LRRC4C: variants seen among roughly 807,000 people sequenced by gnomAD.
LRRC4C encodes leucine-rich repeat-containing protein 4C.
In LRRC4C, 5 loss-of-function variants were observed where a neutral mutation model predicts 33.6. The ratio of observed to expected loss-of-function variants is 0.15; its 90% CI spans 0.08 to 0.31. The LOEUF is 0.31. Ranked by LOEUF, LRRC4C falls within the 10% of genes least tolerant of loss-of-function variation. The probability of loss-of-function intolerance (pLI) is 1.00; values close to 1 mark genes in which losing one functional copy is unlikely to be tolerated. For synonymous variants in LRRC4C, 329 were observed against 302.0 expected (o/e 1.09, Z -0.93); for missense variants, 560 against 796.7 (o/e 0.70, Z 3.58).
At chr11:40,367,454 G>A (rs957546526) in intron 3 of LRRC4C, among the ~76,000 whole-genome samples, 10 of 152,042 alleles carry the variant, frequency 6.6e-5, no homozygotes, top group African/African-American at 1.9e-4. Context: ...TGCTGCACTA[G>A]TATTTCTTGA....
chr11:40,231,986 G>A (rs1336307978), intron 5 of LRRC4C, among the ~76,000 whole-genome samples: 1 of 152,108 alleles, frequency 6.6e-6, no homozygotes, highest in Non-Finnish European at 1.5e-5. Context: ...GGAAACAGAA[G>A]AGTCAACTTT....
chr11:40,696,402 C>A (rs555883848), intron 2 of LRRC4C, among the ~76,000 whole-genome samples: 22 of 112,392 alleles, frequency 2.0e-4, no homozygotes, highest in African/African-American at 5.9e-4. Context: ...TGAGTATACA[C>A]ACCATATATA....
At chr11:40,498,870 C>A (rs1042284274) in intron 3 of LRRC4C, among the ~76,000 whole-genome samples, 1 of 152,102 alleles carries the variant, frequency 6.6e-6, no homozygotes, top group Non-Finnish European at 1.5e-5. Flanking sequence ...GAAAAATAGG[C>A]TTTAAATGAT....
Position 40,918,199 on chromosome 11 carries a change from CA to C in LRRC4C, c.-407+15435del, listed in dbSNP as rs1473161248. Among the ~76,000 whole-genome samples the C allele has an allele frequency of 5.3e-5, 8 of 152,026 alleles. No homozygotes were observed. The South Asian group carries it at 1.7e-3, about 32-fold the overall frequency. On this transcript the variant is annotated intron_variant, in intron 2 of 6. Transcript: ENST00000528697. ...GACACAGCCTTTTAGTTATCTAAAGCAAAATAAGCTTCTGTGCATTTTTATT... is the reference window on the plus strand; with the variant it reads ...GACACAGCCTTTTAGTTATCTAAAGCAAATAAGCTTCTGTGCATTTTTATT...
intron 2 of LRRC4C, among the ~76,000 whole-genome samples, chr11:40,791,266 A>G (rs1282762353): frequency 1.3e-5 from 2 of 152,172 alleles, no homozygotes; most frequent in East Asian, 3.9e-4. Context: ...AATAAACTCT[A>G]TTGATTTTAC....
At chr11:41,355,480 A>G (rs1218359418) in intron 1 of LRRC4C, among the ~76,000 whole-genome samples, 2 of 152,150 alleles carry the variant, frequency 1.3e-5, no homozygotes, top group African/African-American at 4.8e-5. Flanking sequence ...TGATTATAAT[A>G]TATGTTAAAA....
At chr11:40,958,304 A>G (rs1022287729) in intron 1 of LRRC4C, among the ~76,000 whole-genome samples, 2 of 151,804 alleles carry the variant, frequency 1.3e-5, no homozygotes, top group South Asian at 2.1e-4. Flanking sequence ...ACTGTAAAAT[A>G]GGGATGATGA....
intron 2 of LRRC4C, among the ~76,000 whole-genome samples, chr11:40,740,463 A>G (rs566935906): frequency 1.8e-4 from 28 of 151,826 alleles, no homozygotes; most frequent in Admixed American, 2.6e-4. Context: ...AAGTCAATTC[A>G]TGTCCTTTTT....
At chr11:40,141,359 C>T (rs546681971) in intron 5 of LRRC4C, among the ~76,000 whole-genome samples, 2 of 152,258 alleles carry the variant, frequency 1.3e-5, no homozygotes, top group African/African-American at 2.4e-5. Context: ...CCTCTCTCTA[C>T]ACATCTCTCA....
In LRRC4C at chr11:41,068,107, A is replaced by G. The variant is rs373755882; in HGVS notation, c.-495-134384T>C. On this transcript the variant is annotated intron_variant, in intron 1 of 6. Coordinates refer to ENST00000528697, the MANE Select transcript of LRRC4C (RefSeq NM_001258419.2). ...ATATGAAAAACCCTTCAAAACATCA[A>G]TGAGGCCAGGTGTGGTGGCTCACGC... 4.0e-3 allele frequency among the ~76,000 whole-genome samples: 611 copies of G among 152,218 alleles called. 4 individuals are homozygous for G. The highest frequency in any genetic ancestry group is 0.029 in the South Asian group (141 of 4,820).
At chr11:40,677,311 G>GGGAGGCGGAGGTTGCAGTGACCCA (rs1250345757) in intron 2 of LRRC4C, among the ~76,000 whole-genome samples, 4 of 152,032 alleles carry the variant, frequency 2.6e-5, no homozygotes, top group Non-Finnish European at 1.5e-5. Flanking sequence ...GCTTGAACCT[G>GGGAGGCGGAGGTTGCAGTGACCCA]GGAGGCGGAG....
intron 5 of LRRC4C, among the ~76,000 whole-genome samples, chr11:40,234,079 C>T (rs1349619133): frequency 5.3e-5 from 8 of 152,282 alleles, no homozygotes; most frequent in East Asian, 1.9e-4. Context: ...GTACAGGAGA[C>T]ACGATTCAAA....
intron 1 of LRRC4C, among the ~76,000 whole-genome samples, chr11:41,316,289 A>C (rs922670004): frequency 2.6e-5 from 4 of 151,490 alleles, no homozygotes; most frequent in South Asian, 2.1e-4. Context: ...ACAAAAAAAA[A>C]CAAACATGAG....
chr11:40,299,224 G>A (rs1220573248), intron 4 of LRRC4C, among the ~76,000 whole-genome samples: 1 of 152,168 alleles, frequency 6.6e-6, no homozygotes, highest in Non-Finnish European at 1.5e-5. Flanking sequence ...TACGTGCCAA[G>A]CATTATGGAA....
At chr11:40,972,136 ATT>A (rs3075563) in intron 1 of LRRC4C, among the ~76,000 whole-genome samples, 2,860 of 137,794 alleles carry the variant, frequency 0.021, 108 homozygotes, top group African/African-American at 0.072. Context: ...GGAAGCCATA[ATT>A]TTTTTTTTTT....
intron 3 of LRRC4C, among the ~76,000 whole-genome samples, chr11:40,540,149 A>G (rs1331854250): frequency 1.3e-5 from 2 of 152,184 alleles, no homozygotes; most frequent in Admixed American, 6.6e-5. Context: ...CACCAACTCT[A>G]CTATTCAGTG....
chr11:40,146,426 G>A (rs1857734686), intron 5 of LRRC4C, among the ~76,000 whole-genome samples: 1 of 152,122 alleles, frequency 6.6e-6, no homozygotes, highest in Non-Finnish European at 1.5e-5. Context: ...CCTTCTATGA[G>A]ACAAGTTATA....
At chr11:40,466,646 G>A (rs938106539) in intron 3 of LRRC4C, among the ~76,000 whole-genome samples, 6 of 151,502 alleles carry the variant, frequency 4.0e-5, no homozygotes, top group Non-Finnish European at 5.9e-5. Flanking sequence ...TTAACTTGAC[G>A]AAGATAATAA....
intron 2 of LRRC4C, among the ~76,000 whole-genome samples, chr11:40,908,066 A>AT (rs1001791236): frequency 8.6e-5 from 13 of 152,036 alleles, no homozygotes; most frequent in South Asian, 2.1e-4. Flanking sequence ...AAAAGCAAGG[A>AT]TTTTTTTTCA....
Sources: gnomAD v4.1 joint callset for allele counts (sites outside exome capture counted in the v4.1 genomes callset) on GRCh38, gnomAD v4.1.1 for gene constraint, MANE v1.5 for transcripts, NCBI Gene and HGNC (gene_info 2026-07-23, HGNC 2026-07-21) for gene names.